PALM2AKAP2: variants seen among roughly 807,000 people sequenced by gnomAD.
PALM2AKAP2 encodes PALM2 and AKAP2 fusion.
In PALM2AKAP2, 37 loss-of-function variants were observed where a neutral mutation model predicts 71.5. The observed-to-expected ratio is 0.52, with a 90% CI of 0.40 to 0.68. PALM2AKAP2 has a LOEUF of 0.68. PALM2AKAP2 is among the 30% of genes least tolerant of loss of function. The pLI, the probability that PALM2AKAP2 is intolerant of heterozygous loss-of-function variation, is 0.00. For synonymous variants in PALM2AKAP2, 468 were observed against 478.8 expected (o/e 0.98, Z 0.29); for missense variants, 1,224 against 1,191.8 (o/e 1.03, Z -0.40).
intron 1 of PALM2AKAP2, among the ~76,000 whole-genome samples, chr9:109,784,721 C>T (rs1388616044): frequency 2.6e-5 from 4 of 152,250 alleles, no homozygotes; most frequent in Non-Finnish European, 4.4e-5. Flanking sequence ...TTGAATGCTG[C>T]CCGCAGCAGG....
chr9:109,748,758 T>A (rs1828841424), intron 1 of PALM2AKAP2, among the ~76,000 whole-genome samples: 1 of 152,094 alleles, frequency 6.6e-6, no homozygotes, highest in South Asian at 2.1e-4. Flanking sequence ...AACAGAAACT[T>A]TTTTGCTCAC....
chr9:110,026,609 T>G (rs1451358134), intron 7 of PALM2AKAP2, among the ~76,000 whole-genome samples: 1 of 152,032 alleles, frequency 6.6e-6, no homozygotes, highest in East Asian at 1.9e-4. Flanking sequence ...CAACCAAAAC[T>G]CTCTACCCAT....
chr9:110,088,581 A>C (rs1834624576), intron 1 of PALM2AKAP2, among the ~76,000 whole-genome samples: 1 of 151,968 alleles, frequency 6.6e-6, no homozygotes, highest in African/African-American at 2.4e-5. Flanking sequence ...CTAGGTAGTC[A>C]GCGTGAATTG....
exon 4 of PALM2AKAP2, chr9:110,171,875 T>C (rs1836864583): frequency 1.3e-5 from 2 of 152,658 alleles, no homozygotes; most frequent in Non-Finnish European, 2.9e-5. Flanking sequence ...TGACATGACT[T>C]GGCTTTCTCA....
At chr9:109,780,185 G>A (rs1001823451), upstream of PALM2AKAP2, 143 of 691,622 alleles carry the variant, frequency 2.1e-4, no homozygotes, top group African/African-American at 2.6e-3. Context: ...GCGCCCTCCC[G>A]GCGGCTGCCG....
chr9:109,948,394 G>C (rs903910722), intron 6 of PALM2AKAP2, among the ~76,000 whole-genome samples: 4 of 152,146 alleles, frequency 2.6e-5, no homozygotes, highest in Non-Finnish European at 5.9e-5. Context: ...GGTCGGAACT[G>C]TCGCACAAAA....
rs1354929709 is a variant in PALM2AKAP2 at position 109,925,058 on chromosome 9, C to T, written c.373-3C>T. The T allele has an allele frequency of 1.9e-6, 3 of 1,614,132 alleles. No homozygotes were observed. Among genetic ancestry groups the T allele is most frequent in the South Asian group, 1.1e-5 (1 of 91,084 alleles). ...ACGCTCTGCCTTGTTTTTGTTCCTA[C>T]AGGGTTTCTCCAGTACGGATGGAGG... On this transcript the variant is annotated splice_polypyrimidine_tract_variant and splice_region_variant and intron_variant, in intron 4 of 9. Coordinates refer to the PALM2AKAP2 transcript ENST00000302798.
chr9:109,707,231 G>T (rs1423598988), intron 1 of PALM2AKAP2, among the ~76,000 whole-genome samples: 2 of 151,904 alleles, frequency 1.3e-5, no homozygotes, highest in Non-Finnish European at 2.9e-5. Flanking sequence ...TTTTCTGGCT[G>T]CCAGCATTTG....
intron 2 of PALM2AKAP2, among the ~76,000 whole-genome samples, chr9:109,879,698 GGT>G (rs1491099957): frequency 8.5e-5 from 10 of 117,172 alleles, no homozygotes; most frequent in South Asian, 2.5e-4. Flanking sequence ...TGGGATGTAT[GGT>G]TTTTTTTTTT....
intron 1 of PALM2AKAP2, among the ~76,000 whole-genome samples, chr9:110,068,251 G>A (rs1485706935): frequency 1.3e-5 from 2 of 150,008 alleles, no homozygotes; most frequent in Non-Finnish European, 2.9e-5. Flanking sequence ...ATTTCACTTG[G>A]CTGATTTTGT....
intron 6 of PALM2AKAP2, among the ~76,000 whole-genome samples, chr9:109,935,185 T>G (rs1272396492): frequency 6.6e-6 from 1 of 152,274 alleles, no homozygotes; most frequent in African/African-American, 2.4e-5. Context: ...CCCTCTTCTC[T>G]ATTGTTAGGG....
At chr9:110,086,229 T>C (rs996337097) in intron 1 of PALM2AKAP2, among the ~76,000 whole-genome samples, 7 of 152,138 alleles carry the variant, frequency 4.6e-5, no homozygotes, top group Non-Finnish European at 1.0e-4. Context: ...TTTTAAAAAC[T>C]ATGTGCTTGC....
intron 1 of PALM2AKAP2, among the ~76,000 whole-genome samples, chr9:109,762,172 A>G (rs543575905): frequency 6.7e-6 from 1 of 148,906 alleles, no homozygotes; most frequent in South Asian, 2.1e-4. Context: ...TTTTTTTTTA[A>G]TGGTATTGTT....
chr9:109,758,049 A>G (rs1219190209), intron 1 of PALM2AKAP2, among the ~76,000 whole-genome samples: 1 of 152,080 alleles, frequency 6.6e-6, no homozygotes, highest in African/African-American at 2.4e-5. Flanking sequence ...TTCCAGGGAT[A>G]GTCCAAGTAT....
intron 1 of PALM2AKAP2, among the ~76,000 whole-genome samples, chr9:110,112,722 C>T (rs1835278844): frequency 6.6e-6 from 1 of 152,236 alleles, no homozygotes; most frequent in South Asian, 2.1e-4. Context: ...GTTAAAGGCC[C>T]TGAGACAGAT....
At chr9:110,056,943 T>A (rs1833854043) in intron 1 of PALM2AKAP2, among the ~76,000 whole-genome samples, 1 of 152,216 alleles carries the variant, frequency 6.6e-6, no homozygotes, top group Non-Finnish European at 1.5e-5. Flanking sequence ...GGTGTTGAGA[T>A]AGAGGAATGA....
At chr9:109,750,958 T>C (rs1305781407) in intron 1 of PALM2AKAP2, among the ~76,000 whole-genome samples, 1 of 152,106 alleles carries the variant, frequency 6.6e-6, no homozygotes, top group Non-Finnish European at 1.5e-5. Context: ...AAATACAAGA[T>C]AGGACCCAAT....
chr9:110,019,779 G>C (rs1466444237), intron 7 of PALM2AKAP2, among the ~76,000 whole-genome samples: 2 of 152,112 alleles, frequency 1.3e-5, no homozygotes, highest in Non-Finnish European at 2.9e-5. Flanking sequence ...AGAGACTGGG[G>C]ACTCTAAAAG....
At chr9:109,664,693 CTT>C (rs1176905226) in intron 1 of PALM2AKAP2, among the ~76,000 whole-genome samples, 3 of 152,120 alleles carry the variant, frequency 2.0e-5, no homozygotes, top group Non-Finnish European at 4.4e-5. Flanking sequence ...TGAGGAGTAT[CTT>C]TGTGGTGTTC....
Sources: gnomAD v4.1 joint callset for allele counts (sites outside exome capture counted in the v4.1 genomes callset) on GRCh38, gnomAD v4.1.1 for gene constraint, MANE v1.5 for transcripts, NCBI Gene and HGNC (gene_info 2026-07-23, HGNC 2026-07-21) for gene names.